EPHB2: variants seen among roughly 807,000 people sequenced by gnomAD.
The protein encoded by EPHB2 is ephrin type-B receptor 2.
EPHB2 carries 18 observed loss-of-function variants against 96.4 expected under a neutral mutation model. The ratio of observed to expected loss-of-function variants is 0.19; its 90% CI spans 0.13 to 0.28. EPHB2 has a LOEUF of 0.28. Ranked by LOEUF, EPHB2 falls within the 10% of genes least tolerant of loss-of-function variation. EPHB2 has a pLI of 1.00. For missense variants in EPHB2, 989 were observed against 1,355.4 expected, an observed-to-expected ratio of 0.73 and a Z score of 4.25; for synonymous variants, 506 against 534.1, an observed-to-expected ratio of 0.95 and a Z score of 0.72.
chr1:22,826,531 G>A (rs1264353090), intron 3 of EPHB2, among the ~76,000 whole-genome samples: 1 of 152,228 alleles, frequency 6.6e-6, no homozygotes, highest in Admixed American at 6.5e-5. Context: ...AAGGGGGAAG[G>A]CATCCTTGCT....
intron 3 of EPHB2, among the ~76,000 whole-genome samples, chr1:22,798,385 A>T (rs1644797091): frequency 6.6e-6 from 1 of 151,870 alleles, no homozygotes; most frequent in Non-Finnish European, 1.5e-5. Context: ...CTTATTCCTG[A>T]TACTCAGGGT....
chr1:22,833,683 G>C (rs1645339777), intron 3 of EPHB2, among the ~76,000 whole-genome samples: 1 of 152,096 alleles, frequency 6.6e-6, no homozygotes, highest in African/African-American at 2.4e-5. Context: ...ATTAAGAAAG[G>C]AGAAAAAAGT....
At position 22,892,889 on chromosome 1, in the gene EPHB2, C is replaced by T. The variant is rs2148566038; in HGVS notation, c.1434C>T (p.Leu478=). Residue 478 remains leucine (L), a synonymous_variant, in exon 7 of 16, where the codon CTC becomes CTT. Coordinates refer to ENST00000374630, the MANE Select transcript of EPHB2 (RefSeq NM_017449.5). ...DYELQYYEKE[L]SEYNATAIKS... ...TCTTCTCTGTTCCTCGGCAGGAGCT[C>T]AGTGAGTACAACGCCACAGCCATAA... The T allele has an allele frequency of 3.1e-6, 5 of 1,614,214 alleles. No homozygotes were observed. The highest frequency in any genetic ancestry group is 4.2e-6 in the Non-Finnish European group (5 of 1,180,044).
chr1:22,824,755 T>A (rs1348617269), intron 3 of EPHB2, among the ~76,000 whole-genome samples: 3 of 152,256 alleles, frequency 2.0e-5, no homozygotes, highest in Admixed American at 2.0e-4. Flanking sequence ...AGTCTCGCGC[T>A]AATCTGCTTT....
chr1:22,815,139 G>A (rs925857643), intron 3 of EPHB2, among the ~76,000 whole-genome samples: 12 of 152,308 alleles, frequency 7.9e-5, no homozygotes, highest in East Asian at 1.9e-4. Flanking sequence ...CTTCATTGAC[G>A]GCAGAGCCAT....
chr1:22,854,497 G>A (rs948116131), intron 3 of EPHB2, among the ~76,000 whole-genome samples: 3 of 152,156 alleles, frequency 2.0e-5, no homozygotes, highest in Non-Finnish European at 4.4e-5. Flanking sequence ...GGGTGATAGA[G>A]TGAGAACCTG....
intron 7 of EPHB2, among the ~76,000 whole-genome samples, chr1:22,894,974 A>G (rs1639510273): frequency 6.6e-6 from 1 of 152,234 alleles, no homozygotes; most frequent in Non-Finnish European, 1.5e-5. Flanking sequence ...TGCTTTACCC[A>G]ACAATCCTGA....
intron 1 of EPHB2, among the ~76,000 whole-genome samples, chr1:22,769,567 C>A (rs1370645046): frequency 2.0e-5 from 3 of 152,046 alleles, no homozygotes; most frequent in Non-Finnish European, 4.4e-5. Context: ...ACCACCACAC[C>A]CAGCTAATTT....
intron 1 of EPHB2, among the ~76,000 whole-genome samples, chr1:22,744,533 A>G (rs1032755603): frequency 4.9e-4 from 74 of 150,242 alleles, no homozygotes; most frequent in Admixed American, 4.8e-3. Context: ...GAAAATTCTA[A>G]GCTGGGCATG....
chr1:22,781,096 G>A (rs947978333), intron 1 of EPHB2, among the ~76,000 whole-genome samples: 1 of 151,858 alleles, frequency 6.6e-6, no homozygotes, highest in African/African-American at 2.4e-5. Context: ...CGAGGCGGGC[G>A]GATCACGAGG....
At chr1:22,718,335 A>G (rs734445) in intron 1 of EPHB2, among the ~76,000 whole-genome samples, 82,377 of 149,072 alleles carry the variant, frequency 0.55, 23,541 homozygotes, top group East Asian at 0.92. Flanking sequence ...AGTGCCTGCC[A>G]GGCACCACCT....
At chr1:22,720,660 TCCCCCCC>T (rs916713865) in intron 1 of EPHB2, among the ~76,000 whole-genome samples, 1 of 57,380 alleles carries the variant, frequency 1.7e-5, no homozygotes, top group African/African-American at 6.2e-5. Flanking sequence ...GAAATCTCAT[TCCCCCCC>T]CCCCCCGCCC....
intron 1 of EPHB2, among the ~76,000 whole-genome samples, chr1:22,716,706 G>A (rs185756459): frequency 1.3e-5 from 2 of 152,332 alleles, no homozygotes; most frequent in East Asian, 3.9e-4. Context: ...AACTCTGCCT[G>A]CCCAGAGCTC....
chr1:22,904,225 G>A (rs560302887), intron 9 of EPHB2, among the ~76,000 whole-genome samples: 6 of 151,766 alleles, frequency 4.0e-5, no homozygotes, highest in Non-Finnish European at 8.8e-5. Flanking sequence ...CCCTGGAGGC[G>A]GAGGTTGCAG....
intron 1 of EPHB2, among the ~76,000 whole-genome samples, chr1:22,754,918 G>A (rs375417208): frequency 2.0e-5 from 3 of 149,508 alleles, no homozygotes; most frequent in African/African-American, 2.5e-5. Flanking sequence ...GCGAGGGGCA[G>A]GGGAGGTGAG....
rs994707845 is a variant in EPHB2, at chr1:22,913,180, G to A, written c.2853-282G>A. 33 of 492,254 alleles carry A rather than the reference G, an allele frequency of 6.7e-5. No homozygotes were observed. The highest frequency in any genetic ancestry group is 4.5e-4 in the African/African-American group (23 of 51,386). 30.5% of individuals were successfully genotyped at this position (492,254 alleles called of 1,614,324 possible). A position where few individuals can be genotyped will look rare whatever the true frequency, so the allele number is the denominator to read the frequency against. ...TGCACACCAGCCTGGGTGACAGAGC[G>A]AGACTCTGTCTCGAAAAAGAAAGAA... On this transcript the variant is annotated intron_variant, in intron 15 of 15. Coordinates refer to ENST00000374630, the MANE Select transcript of EPHB2 (RefSeq NM_017449.5). The surrounding 1 kb of genome is among the most constrained non-coding windows in gnomAD (Gnocchi z 4.1).
At chr1:22,779,013 C>A (rs1420564042) in intron 1 of EPHB2, among the ~76,000 whole-genome samples, 1 of 152,202 alleles carries the variant, frequency 6.6e-6, no homozygotes, top group Non-Finnish European at 1.5e-5. Context: ...CCCTGCCCGA[C>A]CCTCTTCTTG....
intron 3 of EPHB2, among the ~76,000 whole-genome samples, chr1:22,827,821 A>C (rs1645246060): frequency 1.3e-5 from 2 of 152,368 alleles, no homozygotes; most frequent in South Asian, 4.1e-4. Context: ...TGGCTCCGCC[A>C]GGACTCAGGC....
intron 5 of EPHB2, among the ~76,000 whole-genome samples, chr1:22,874,038 A>C (rs1638758434): frequency 6.6e-6 from 1 of 152,134 alleles, no homozygotes; most frequent in Non-Finnish European, 1.5e-5. Context: ...GCCTGCAGTC[A>C]CACATTGGCC....
Sources: gnomAD v4.1 joint callset for allele counts (sites outside exome capture counted in the v4.1 genomes callset) on GRCh38, gnomAD v4.1.1 for gene constraint, Gnocchi (gnomAD v3.1) non-coding constraint, MANE v1.5 for transcripts, NCBI Gene and HGNC (gene_info 2026-07-23, HGNC 2026-07-21) for gene names.